SLC5A5: variants seen among roughly 807,000 people sequenced by gnomAD.
The protein encoded by SLC5A5 is solute carrier family 5 member 5.
Under a neutral mutation model 68.6 loss-of-function variants are expected in SLC5A5, and 56 were observed. The observed-to-expected ratio is 0.82, with a 90% CI of 0.66 to 1.02. The LOEUF is 1.02. Among genes scored for constraint, SLC5A5 ranks in the 50% least tolerant of loss-of-function variants. The probability of loss-of-function intolerance (pLI) is 0.00; values close to 1 mark genes in which losing one functional copy is unlikely to be tolerated. For missense variants in SLC5A5, 807 were observed against 859.8 expected (o/e 0.94, Z 0.77); for synonymous variants, 398 against 373.0 (o/e 1.07, Z -0.77).
At chr19:17,883,539 C>T in intron 10 of SLC5A5, 142 bp from the exon 11 acceptor site, 4 of 765,944 alleles carry the variant, frequency 5.2e-6, no homozygotes, top group Non-Finnish European at 9.4e-6. Context: ...GGGGTCCTCT[C>T]CCCTTTAGGG....
intron 4 of SLC5A5, 52 bp from the exon 5 acceptor site, chr19:17,875,900 G>A: frequency 2.5e-6 from 4 of 1,604,656 alleles, no homozygotes; most frequent in East Asian, 4.5e-5. Flanking sequence ...ACCACTGAAG[G>A]CCAGGTCCCC....
At position 17,888,329 on chromosome 19, in the gene SLC5A5, A is replaced by G; in HGVS notation, c.1527-2A>G. On this transcript the variant is annotated splice_acceptor_variant, in intron 12 of 14. Transcript: ENST00000222248. LOFTEE classifies it high-confidence loss of function. The stretch of plus-strand genomic sequence containing the variant: ...TTCAAGTCTGTCTCTCCCAACCTGC[A>G]GCTCAGGAATGGACGCCAGCCGACC... The G allele has an allele frequency of 6.2e-7, 1 of 1,613,842 alleles. No homozygotes were observed. Among genetic ancestry groups the G allele is most frequent in the Non-Finnish European group, 8.5e-7 (1 of 1,179,950 alleles).
chr19:17,872,594 T>G lies in SLC5A5; in HGVS notation c.275T>G (p.Leu92Arg). 1 of 1,612,662 alleles carries G rather than the reference T, an allele frequency of 6.2e-7. No homozygotes were observed. Among genetic ancestry groups the G allele is most frequent in the Non-Finnish European group, 8.5e-7 (1 of 1,179,794 alleles). Residue 92 changes from leucine to arginine, a missense_variant, in exon 1 of 15, where the codon CTG becomes CGG. Physicochemically the swap from Leu to Arg is moderately radical, Grantham distance 102 (BLOSUM62 -2). Coordinates refer to ENST00000222248, the MANE Select transcript of SLC5A5 (RefSeq NM_000453.3). ...RYGLKFLWMC[L>R]GQLLNSVLTA... ...GGCCTCAAGTTCCTCTGGATGTGCC[T>G]GGGCCAGCTTCTGAACTCGGTCCTC...
In SLC5A5 at chr19:17,882,935, G is replaced by C. The variant is rs545387730; in HGVS notation, c.1242+716G>C. ...CCTGACCTCGTGATCCGCCCTCCTCGGCCTCCCAAAGTGCTGGGATTACAG... is the reference window on the plus strand; with the variant it reads ...CCTGACCTCGTGATCCGCCCTCCTCCGCCTCCCAAAGTGCTGGGATTACAG... On this transcript the variant is annotated intron_variant, in intron 10 of 14. Transcript: ENST00000222248. Among the ~76,000 whole-genome samples the C allele has an allele frequency of 3.3e-3, 499 of 151,888 alleles. 1 individual carries two copies. Among genetic ancestry groups the C allele is most frequent in the Middle Eastern group, 6.8e-3 (2 of 294 alleles).
chr19:17,894,341 G>T lies in SLC5A5; in HGVS notation c.*464G>T, dbSNP rs1252275589. ...TTTTTGTATTTTTAGTAGAGACAGG[G>T]TTTCACCATGTTGGTCAGGCTGGTC... is the stretch of plus-strand genomic sequence containing the variant. On this transcript the variant is annotated 3_prime_UTR_variant, in exon 15 of 15. Coordinates refer to ENST00000222248, the MANE Select transcript of SLC5A5 (RefSeq NM_000453.3). 5.6e-6 allele frequency: 1 copy of T among 178,850 alleles called. No homozygotes were observed. Among genetic ancestry groups the T allele is most frequent in the Admixed American group, 5.4e-5 (1 of 18,366 alleles). The allele number at this position is 178,850 out of a possible 1,614,324, so 11.1% of individuals were successfully genotyped here. A position where few individuals can be genotyped will look rare whatever the true frequency, so the allele number is the denominator to read the frequency against.
chr19:17,887,597 A>ATTTTTT (rs59690936), intron 12 of SLC5A5, among the ~76,000 whole-genome samples: 14 of 120,962 alleles, frequency 1.2e-4, no homozygotes, highest in African/African-American at 4.2e-4. Context: ...GAAGTTTTTA[A>ATTTTTT]TTTTTTTTTT....
rs2030320500 is a variant in SLC5A5, at chr19:17,894,156, T to C, written c.*279T>C. 1 of 409,134 alleles carries C rather than the reference T, an allele frequency of 2.4e-6. No individual in the cohort carries two copies. The highest frequency in any genetic ancestry group is 4.5e-6 in the Non-Finnish European group (1 of 223,562). 25.3% of individuals were successfully genotyped at this position (409,134 alleles called of 1,614,324 possible). On this transcript the variant is annotated 3_prime_UTR_variant, in exon 15 of 15. Coordinates refer to ENST00000222248, the MANE Select transcript of SLC5A5 (RefSeq NM_000453.3). ...TTTTCTCTCTCTCTTTTTTTTTTTT[T>C]TTTTTTTTTGAGACAGGGTCATGCT...
intron 14 of SLC5A5, among the ~76,000 whole-genome samples, chr19:17,892,633 G>T (rs2030217491): frequency 7.5e-6 from 1 of 132,858 alleles, no homozygotes; most frequent in Admixed American, 8.3e-5. Context: ...GCCAGACACT[G>T]TCAGAAAGAA....
intron 10 of SLC5A5, 68 bp from the exon 11 acceptor site, chr19:17,883,613 C>G: frequency 7.8e-7 from 1 of 1,289,138 alleles, no homozygotes; most frequent in Non-Finnish European, 1.1e-6. Flanking sequence ...GCTTTCCCAG[C>G]GGGTAAACTG....
intron 12 of SLC5A5, among the ~76,000 whole-genome samples, chr19:17,884,666 G>A (rs2094329347): frequency 6.6e-6 from 1 of 151,632 alleles, no homozygotes; most frequent in Admixed American, 6.6e-5. Context: ...CCAGCTACTC[G>A]GGAGGCTGAG....
rs1319768784 is a variant in SLC5A5 at position 17,888,370 on chromosome 19, C to T, written c.1566C>T (p.Ser522=). Residue 522 remains serine, a synonymous_variant, in exon 13 of 15, where the codon AGC becomes AGT. Transcript: ENST00000222248. The part of the protein sequence containing the change: ...MDASRPALAD[S]FYAISYLYYG... ...CCAGCCGACCCGCCTTAGCTGACAGCTTCTATGCCATCTCCTATCTCTATT... is the reference window on the plus strand; with the variant it reads ...CCAGCCGACCCGCCTTAGCTGACAGTTTCTATGCCATCTCCTATCTCTATT... 1.2e-6 allele frequency: 2 copies of T among 1,613,892 alleles called. No homozygotes were observed. The highest frequency in any genetic ancestry group is 2.7e-5 in the African/African-American group (2 of 74,918).
In SLC5A5 at chr19:17,888,317, C is replaced by T. The variant is rs1193154472; in HGVS notation, c.1527-14C>T. The T allele has an allele frequency of 1.2e-6, 2 of 1,613,620 alleles. No homozygotes were observed. The highest frequency in any genetic ancestry group is 1.7e-6 in the Non-Finnish European group (2 of 1,179,892). ...TAAAAGAGGAGGTTCAAGTCTGTCT[C>T]TCCCAACCTGCAGCTCAGGAATGGA... On this transcript the variant is annotated splice_polypyrimidine_tract_variant and intron_variant, in intron 12 of 14. Coordinates refer to ENST00000222248, the MANE Select transcript of SLC5A5 (RefSeq NM_000453.3).
chr19:17,872,698 G>A (rs755976824), intron 1 of SLC5A5, 22 bp downstream of exon 1: 5 of 1,430,624 alleles, frequency 3.5e-6, no homozygotes, highest in Admixed American at 3.3e-5. Flanking sequence ...AGGCCCGGGG[G>A]TAGGACCTGC....
At position 17,872,483 on chromosome 19, in the gene SLC5A5, C is replaced by G; in HGVS notation, c.164C>G (p.Ala55Gly). ...TTCTTCACCGGGGGCCGGCGCCTGGCGGCCCTGCCCGTGGGCCTGTCGCTG... is the reference window on the plus strand; with the variant it reads ...TTCTTCACCGGGGGCCGGCGCCTGGGGGCCCTGCCCGTGGGCCTGTCGCTG... ...EDFFTGGRRL[A>G]ALPVGLSLSA... The change falls in exon 1 of 15, where the codon GCG becomes GGG. Residue 55 changes from alanine (A) to glycine (G), a missense_variant. Coordinates refer to ENST00000222248, the MANE Select transcript of SLC5A5 (RefSeq NM_000453.3). 1 of 1,611,488 alleles carries G rather than the reference C, an allele frequency of 6.2e-7. No individual in the cohort carries two copies. The highest frequency in any genetic ancestry group is 8.5e-7 in the Non-Finnish European group (1 of 1,179,378).
At chr19:17,893,670 G>A in intron 14 of SLC5A5, 43 bp from the exon 15 acceptor site, 1 of 1,601,838 alleles carries the variant, frequency 6.2e-7, no homozygotes, top group Non-Finnish European at 8.5e-7. Context: ...ACAGGGTGGG[G>A]ACAGGGTCTC....
In SLC5A5 at chr19:17,883,661, A is replaced by G. The variant is rs1465918937; in HGVS notation, c.1243-20A>G. 1.9e-6 allele frequency: 3 copies of G among 1,605,076 alleles called. No individual in the cohort carries two copies. Among genetic ancestry groups the G allele is most frequent in the Non-Finnish European group, 2.6e-6 (3 of 1,172,808 alleles). On this transcript the variant is annotated intron_variant, in intron 10 of 14. Transcript: ENST00000222248. ...GTGGGAGGGCTCCGCCCTCAGCCCCACTTCCACCTACTCTCCCAGGGCTCC... is the reference window on the plus strand; with the variant it reads ...GTGGGAGGGCTCCGCCCTCAGCCCCGCTTCCACCTACTCTCCCAGGGCTCC...
At chr19:17,882,884 C>T (rs7256737) in intron 10 of SLC5A5, among the ~76,000 whole-genome samples, 2,002 of 147,226 alleles carry the variant, frequency 0.014, 42 homozygotes, top group African/African-American at 0.045. Flanking sequence ...GGGGTTTCAC[C>T]GTGTTAGCCA....
intron 7 of SLC5A5, 85 bp from the exon 8 acceptor site, chr19:17,880,780 C>A (rs961806632): frequency 8.5e-6 from 8 of 936,838 alleles, no homozygotes; most frequent in Non-Finnish European, 1.4e-5. Context: ...GTCTTGGGTG[C>A]TGGGGACGTG....
chr19:17,892,648 A>AAGAGAGAGAGAG (rs1568427310), intron 14 of SLC5A5, among the ~76,000 whole-genome samples: 39 of 58,696 alleles, frequency 6.6e-4, no homozygotes, highest in Non-Finnish European at 9.7e-4. Context: ...AAAGAAAGAA[A>AAGAGAGAGAGAG]AGACAGAGAG....
Sources: gnomAD v4.1 joint callset for allele counts (sites outside exome capture counted in the v4.1 genomes callset) on GRCh38, gnomAD v4.1.1 for gene constraint, MANE v1.5 for transcripts, NCBI Gene and HGNC (gene_info 2026-07-23, HGNC 2026-07-21) for gene names.